ATP9B: variants seen among roughly 807,000 people sequenced by gnomAD.
ATP9B encodes the protein probable phospholipid-transporting ATPase IIB.
ATP9B carries 110 observed loss-of-function variants against 146.1 expected under a neutral mutation model. The ratio of observed to expected loss-of-function variants is 0.75; its 90% CI spans 0.65 to 0.88. ATP9B has a LOEUF of 0.88. Among genes scored for constraint, ATP9B ranks in the 40% least tolerant of loss-of-function variants. ATP9B has a pLI of 0.00. For missense variants in ATP9B, 1,499 were observed against 1,496.4 expected, an observed-to-expected ratio of 1.00 and a Z score of -0.03; for synonymous variants, 604 against 569.7, an observed-to-expected ratio of 1.06 and a Z score of -0.86.
intron 17 of ATP9B, among the ~76,000 whole-genome samples, chr18:79,331,123 T>A (rs2147139567): frequency 6.6e-6 from 1 of 152,364 alleles, no homozygotes; most frequent in South Asian, 2.1e-4. Context: ...ATGGAGACTG[T>A]TGTAATTGTA....
intron 14 of ATP9B, 141 bp from the exon 15 acceptor site, chr18:79,306,845 T>C (rs2096622680): frequency 9.0e-6 from 9 of 1,004,222 alleles, no homozygotes; most frequent in Admixed American, 7.9e-5. Context: ...ATCAGTGCTT[T>C]ATAGGAGATA....
At chr18:79,236,084 T>A (rs963902039) in intron 11 of ATP9B, among the ~76,000 whole-genome samples, 1 of 152,218 alleles carries the variant, frequency 6.6e-6, no homozygotes, top group Admixed American at 6.5e-5. Flanking sequence ...AAAATTGTTG[T>A]ACTGGTTTTT....
intron 17 of ATP9B, 87 bp downstream of exon 17, chr18:79,330,191 T>TATCA: frequency 2.5e-6 from 3 of 1,217,448 alleles, no homozygotes; most frequent in Non-Finnish European, 3.6e-6. Flanking sequence ...ACAGTGTTTC[T>TATCA]ATGAACTTTA....
intron 10 of ATP9B, among the ~76,000 whole-genome samples, chr18:79,210,068 G>A (rs1457874625): frequency 6.6e-6 from 1 of 152,192 alleles, no homozygotes; most frequent in Non-Finnish European, 1.5e-5. Context: ...CCGGGACTCA[G>A]GTTAGACACA....
At chr18:79,144,532 A>C (rs1417167392) in intron 6 of ATP9B, among the ~76,000 whole-genome samples, 1 of 152,160 alleles carries the variant, frequency 6.6e-6, no homozygotes, top group Non-Finnish European at 1.5e-5. Flanking sequence ...GTGAGAATCT[A>C]ATGCTGCTGC....
At chr18:79,069,615 T>TG (rs2146322518) in intron 1 of ATP9B, 86 bp downstream of exon 1, 7 of 885,874 alleles carry the variant, frequency 7.9e-6, no homozygotes, top group Middle Eastern at 3.9e-4. Context: ...CGGGCGGGTC[T>TG]GGGGTCGCTA....
chr18:79,089,818 C>T (rs1304332335), intron 1 of ATP9B, among the ~76,000 whole-genome samples: 2 of 152,140 alleles, frequency 1.3e-5, no homozygotes, highest in African/African-American at 4.8e-5. Context: ...CAATAAGTTA[C>T]TCTTAATTAT....
intron 7 of ATP9B, among the ~76,000 whole-genome samples, chr18:79,165,823 C>T (rs984384179): frequency 2.6e-5 from 4 of 152,134 alleles, no homozygotes; most frequent in African/African-American, 7.2e-5. Context: ...CTCATGTTGC[C>T]GAAGCCCAAT....
At chr18:79,295,331 C>G (rs2096540164) in intron 13 of ATP9B, among the ~76,000 whole-genome samples, 1 of 152,132 alleles carries the variant, frequency 6.6e-6, no homozygotes, top group African/African-American at 2.4e-5. Context: ...TGTTTATAAC[C>G]ATCTTACTCA....
intron 25 of ATP9B, among the ~76,000 whole-genome samples, chr18:79,351,935 A>G (rs1397605154): frequency 2.6e-5 from 4 of 152,112 alleles, no homozygotes; most frequent in African/African-American, 9.7e-5. Context: ...GGCCTGGGGA[A>G]TGCCATGCCC....
At chr18:79,226,346 T>A (rs1324959988) in intron 11 of ATP9B, among the ~76,000 whole-genome samples, 1 of 152,254 alleles carries the variant, frequency 6.6e-6, no homozygotes, top group Admixed American at 6.5e-5. Flanking sequence ...CTCTTGGTGC[T>A]TGGCCACAAA....
Position 79,078,744 on chromosome 18 carries a change from G to A in ATP9B, c.119+9215G>A, listed in dbSNP as rs148153100. Among the ~76,000 whole-genome samples the A allele has an allele frequency of 3.2e-3, 487 of 151,330 alleles. 1 individual carries two copies. Among genetic ancestry groups the A allele is most frequent in the African/African-American group, 0.011 (442 of 41,140 alleles). On this transcript the variant is annotated intron_variant, in intron 1 of 29. Transcript: ENST00000426216. ...TGTTGCATAGGTATACACATGCTGT[G>A]GTGGTTTGCTGCACCTATCAACCCA... is the stretch of plus-strand genomic sequence containing the variant.
At chr18:79,075,839 C>T (rs755019535) in intron 1 of ATP9B, among the ~76,000 whole-genome samples, 3 of 152,028 alleles carry the variant, frequency 2.0e-5, no homozygotes, top group Admixed American at 6.5e-5. Context: ...TTTTGTTTCT[C>T]GGTTTTCTTT....
chr18:79,215,070 C>A (rs182015039), intron 11 of ATP9B, among the ~76,000 whole-genome samples: 14 of 151,550 alleles, frequency 9.2e-5, no homozygotes, highest in Admixed American at 7.2e-4. Flanking sequence ...ATAGCTCAAA[C>A]CCGGGAGGTG....
Position 79,176,980 on chromosome 18 carries a change from T to A in ATP9B, c.873+73T>A, listed in dbSNP as rs1369597606. ...TCTAGGCTTCACGTATATTTCTGTT[T>A]ATACCAGCTAATTTATTTAATGCAT... On this transcript the variant is annotated intron_variant, in intron 8 of 29. Transcript: ENST00000426216. The A allele has an allele frequency of 2.4e-6, 3 of 1,252,872 alleles. No individual in the cohort carries two copies. In the East Asian group the frequency reaches 7.2e-5, roughly 30 times the overall value. 77.6% of individuals were successfully genotyped at this position (1,252,872 alleles called of 1,614,324 possible).
chr18:79,284,800 G>A (rs1021931557), intron 13 of ATP9B, among the ~76,000 whole-genome samples: 4 of 141,938 alleles, frequency 2.8e-5, no homozygotes, highest in Non-Finnish European at 6.0e-5. Flanking sequence ...TCCCCAGAGT[G>A]TGATGTTCCC....
At chr18:79,148,079 T>C (rs2094621010) in intron 6 of ATP9B, among the ~76,000 whole-genome samples, 1 of 152,134 alleles carries the variant, frequency 6.6e-6, no homozygotes, top group African/African-American at 2.4e-5. Flanking sequence ...AATGGACAAA[T>C]TCTTCTGAAA....
chr18:79,313,313 G>GA (rs2096662782), intron 15 of ATP9B, among the ~76,000 whole-genome samples: 1 of 152,214 alleles, frequency 6.6e-6, no homozygotes, highest in Non-Finnish European at 1.5e-5. Context: ...ATCAGTTGCT[G>GA]TCTTCTTAGC....
intron 25 of ATP9B, among the ~76,000 whole-genome samples, chr18:79,350,476 C>T (rs563176542): frequency 6.6e-6 from 1 of 152,212 alleles, no homozygotes; most frequent in South Asian, 2.1e-4. Context: ...TCCCTCAGCC[C>T]CAGTATGAGG....
Sources: gnomAD v4.1 joint callset for allele counts (sites outside exome capture counted in the v4.1 genomes callset) on GRCh38, gnomAD v4.1.1 for gene constraint, MANE v1.5 for transcripts, NCBI Gene and HGNC (gene_info 2026-07-23, HGNC 2026-07-21) for gene names.